The following PDE1A variants were observed in gnomAD, a reference collection of about 807,000 sequenced individuals.
PDE1A encodes phosphodiesterase 1A, also known as dual specificity calcium/calmodulin-dependent 3',5'-cyclic nucleotide phosphodiesterase 1A.
PDE1A carries 35 observed loss-of-function variants against 61.7 expected under a neutral mutation model. The observed-to-expected ratio is 0.57, with a 90% confidence interval of 0.43 to 0.75. The LOEUF is 0.75. PDE1A is among the 30% of genes least tolerant of loss of function. The pLI is 0.00. For missense variants in PDE1A, 597 were observed against 630.6 expected (o/e 0.95, Z 0.57); for synonymous variants, 232 against 213.2 (o/e 1.09, Z -0.77).
At chr2:182,277,413 G>C (rs754479264) in intron 1 of PDE1A, among the ~76,000 whole-genome samples, 34 of 152,130 alleles carry the variant, frequency 2.2e-4, no homozygotes, top group Non-Finnish European at 4.9e-4. Context: ...ATTCATTTGG[G>C]AATGCCATCA....
At chr2:182,431,407 A>G (rs1350603252), upstream of PDE1A, among the ~76,000 whole-genome samples, 2 of 152,170 alleles carry the variant, frequency 1.3e-5, no homozygotes, top group Non-Finnish European at 2.9e-5. Context: ...ATAACTAGGA[A>G]TATCACATCA....
At position 182,439,100 on chromosome 2, in the gene PDE1A, T is replaced by C. The variant is rs530756682; in HGVS notation, c.101+83176A>G. Among the ~76,000 whole-genome samples the C allele has an allele frequency of 2.6e-5, 4 of 152,106 alleles. No homozygotes were observed. The South Asian group carries it at 8.3e-4, about 32-fold the overall frequency. The stretch of plus-strand genomic sequence containing the variant: ...AAGAAAAAGGATTCTAAGATAATAA[T>C]TAGATTTCTGATTTGTTATCTGGGA... On this transcript the variant is annotated intron_variant, in intron 2 of 14. Transcript: ENST00000410103.
intron 8 of PDE1A, among the ~76,000 whole-genome samples, chr2:182,202,323 T>A (rs1233046259): frequency 6.6e-6 from 1 of 152,152 alleles, no homozygotes; most frequent in Non-Finnish European, 1.5e-5. Context: ...GCATTTTTAA[T>A]CAAAACGACT....
chr2:182,503,076 C>CAT (rs1689191511), intron 2 of PDE1A, among the ~76,000 whole-genome samples: 1 of 110,752 alleles, frequency 9.0e-6, no homozygotes, highest in African/African-American at 3.0e-5. Flanking sequence ...CACACACATA[C>CAT]ACACACACAC....
intron 1 of PDE1A, among the ~76,000 whole-genome samples, chr2:182,399,406 C>T (rs1026555450): frequency 1.3e-5 from 2 of 151,938 alleles, no homozygotes; most frequent in African/African-American, 4.8e-5. Context: ...TGCTTCTAAT[C>T]CCCGGAAACT....
the PDE1A span, among the ~76,000 whole-genome samples, chr2:182,609,531 G>A: frequency 5.3e-5 from 8 of 152,094 alleles, no homozygotes; most frequent in African/African-American, 1.7e-4. Context: ...GCAAGACCAC[G>A]AACCCACCAG....
At chr2:182,146,677 G>A (rs975662683), downstream of PDE1A, among the ~76,000 whole-genome samples, 1 of 151,986 alleles carries the variant, frequency 6.6e-6, no homozygotes, top group Admixed American at 6.6e-5. Context: ...GTAGAGACAG[G>A]ATTTCACTAT....
the PDE1A span, among the ~76,000 whole-genome samples, chr2:182,605,993 CTG>C: frequency 6.6e-6 from 1 of 152,102 alleles, no homozygotes; most frequent in African/African-American, 2.4e-5. Flanking sequence ...GACTTATCTC[CTG>C]TGACTTTGTC....
At chr2:182,153,659 G>T (rs1434936003) in intron 13 of PDE1A, among the ~76,000 whole-genome samples, 1 of 152,210 alleles carries the variant, frequency 6.6e-6, no homozygotes, top group Non-Finnish European at 1.5e-5. Flanking sequence ...GGAGAGAGAA[G>T]CTCTGGAGTG....
intron 13 of PDE1A, among the ~76,000 whole-genome samples, chr2:182,177,565 G>C (rs1684375499): frequency 6.6e-6 from 1 of 152,050 alleles, no homozygotes; most frequent in Non-Finnish European, 1.5e-5. Context: ...AAGATCAGAT[G>C]GTTGTAGATG....
intron 5 of PDE1A, 56 bp downstream of exon 5, chr2:182,230,959 T>C: frequency 1.2e-6 from 1 of 840,140 alleles, no homozygotes; most frequent in Non-Finnish European, 2.0e-6. Context: ...TGCATTTTCA[T>C]TCTTACTCAA....
chr2:182,207,750 C>T (rs1189633046), intron 7 of PDE1A, among the ~76,000 whole-genome samples: 4 of 152,238 alleles, frequency 2.6e-5, no homozygotes, highest in Admixed American at 6.5e-5. Context: ...CCTCCTATCA[C>T]AAGCCTGAAG....
intron 2 of PDE1A, among the ~76,000 whole-genome samples, chr2:182,497,657 A>G (rs1484753917): frequency 6.6e-6 from 1 of 152,152 alleles, no homozygotes; most frequent in Admixed American, 6.5e-5. Context: ...ACTAGACAGG[A>G]TATTAGATTA....
intron 1 of PDE1A, among the ~76,000 whole-genome samples, chr2:182,358,181 G>A (rs111875367): frequency 6.6e-6 from 1 of 152,050 alleles, no homozygotes; most frequent in African/African-American, 2.4e-5. Context: ...TCCTGTAATG[G>A]CTTCATAGTG....
chr2:182,648,168 CGT>C, the PDE1A span, among the ~76,000 whole-genome samples: 1 of 152,218 alleles, frequency 6.6e-6, no homozygotes, highest in East Asian at 1.9e-4. Context: ...AAGTGCCTCA[CGT>C]GTTCCTCATC....
chr2:182,189,234 G>A (rs923970534), intron 10 of PDE1A, among the ~76,000 whole-genome samples, 174 bp from the exon 11 acceptor site: 1 of 152,118 alleles, frequency 6.6e-6, no homozygotes, highest in Admixed American at 6.5e-5. Flanking sequence ...TTTCTTGGAT[G>A]GTCTCCATTT....
intron 1 of PDE1A, among the ~76,000 whole-genome samples, chr2:182,336,852 G>T (rs114232973): frequency 6.6e-6 from 1 of 151,668 alleles, no homozygotes; most frequent in Non-Finnish European, 1.5e-5. Flanking sequence ...GCCTGTTGGG[G>T]GTAGGGTGTG....
the PDE1A span, among the ~76,000 whole-genome samples, chr2:182,554,132 C>G: frequency 6.6e-6 from 1 of 152,054 alleles, no homozygotes; most frequent in African/African-American, 2.4e-5. Context: ...AGATGAGACA[C>G]GAGGGCCTGA....
the PDE1A span, among the ~76,000 whole-genome samples, chr2:182,618,177 TAGAC>T: frequency 1.3e-5 from 2 of 152,130 alleles, no homozygotes; most frequent in Non-Finnish European, 2.9e-5. Flanking sequence ...GAGAAAGAAT[TAGAC>T]AGACAGAAAG....
Sources: allele counts gnomAD v4.1 joint callset (sites outside exome capture counted in the v4.1 genomes callset), GRCh38; gene constraint gnomAD v4.1.1; transcripts MANE v1.5; gene names NCBI Gene and HGNC (gene_info 2026-07-23, HGNC 2026-07-21).